Variants in PTPRO observed in about 807,000 individuals in gnomAD.
PTPRO encodes protein tyrosine phosphatase receptor type O.
Under a neutral mutation model 145.2 loss-of-function variants are expected in PTPRO, and 62 were observed. That is an observed-to-expected ratio of 0.43 (90% CI 0.35 to 0.53). PTPRO has a LOEUF of 0.53. Among genes scored for constraint, PTPRO ranks in the 20% least tolerant of loss-of-function variants. The pLI is 0.01. For synonymous variants in PTPRO, 565 were observed against 514.7 expected, an observed-to-expected ratio of 1.10 and a Z score of -1.32; for missense variants, 1,345 against 1,482.7, an observed-to-expected ratio of 0.91 and a Z score of 1.53.
intron 1 of PTPRO, among the ~76,000 whole-genome samples, chr12:15,432,188 G>T (rs1392236626): frequency 6.6e-6 from 1 of 152,078 alleles, no homozygotes; most frequent in Non-Finnish European, 1.5e-5. Flanking sequence ...AGTGTCCATT[G>T]TTCCCCTCTA....
At chr12:15,486,401 T>G (rs1281308072) in intron 2 of PTPRO, among the ~76,000 whole-genome samples, 1 of 152,204 alleles carries the variant, frequency 6.6e-6, no homozygotes, top group African/African-American at 2.4e-5. Flanking sequence ...TAATCCACCC[T>G]TTTGCTTTCA....
chr12:15,430,315 G>A (rs1940398643), intron 1 of PTPRO, among the ~76,000 whole-genome samples: 1 of 151,900 alleles, frequency 6.6e-6, no homozygotes, highest in East Asian at 1.9e-4. Context: ...GAGGAGGGTG[G>A]GTGAGAAGGT....
At chr12:15,459,317 T>A (rs1424911281) in intron 1 of PTPRO, among the ~76,000 whole-genome samples, 1 of 151,880 alleles carries the variant, frequency 6.6e-6, no homozygotes, top group Admixed American at 6.6e-5. Context: ...TAGCTCCAGG[T>A]GTCTGGAAAA....
At chr12:15,430,231 G>GA (rs1199867083) in intron 1 of PTPRO, among the ~76,000 whole-genome samples, 7 of 151,808 alleles carry the variant, frequency 4.6e-5, no homozygotes, top group Admixed American at 2.0e-4. Context: ...AGAGAGATGA[G>GA]AAAAAACAAG....
At chr12:15,456,719 A>T (rs1941186433) in intron 1 of PTPRO, among the ~76,000 whole-genome samples, 1 of 152,130 alleles carries the variant, frequency 6.6e-6, no homozygotes, top group South Asian at 2.1e-4. Flanking sequence ...AAATACAGCC[A>T]TGTCTTCTAG....
At chr12:15,540,067 C>T (rs1359730078) in intron 12 of PTPRO, among the ~76,000 whole-genome samples, 2 of 152,074 alleles carry the variant, frequency 1.3e-5, no homozygotes, top group African/African-American at 4.8e-5. Context: ...AAATATTTCT[C>T]TCCTTAATTT....
At chr12:15,359,442 T>G in intron 1 of PTPRO, among the ~76,000 whole-genome samples, 1 of 148,190 alleles carries the variant, frequency 6.7e-6, no homozygotes, top group African/African-American at 2.5e-5. Flanking sequence ...TTTTTTTTTT[T>G]GAGATGGAGT....
chr12:15,464,295 T>G (rs550532170), intron 1 of PTPRO, among the ~76,000 whole-genome samples: 1 of 152,328 alleles, frequency 6.6e-6, no homozygotes, highest in Admixed American at 6.5e-5. Flanking sequence ...CATGTGGATC[T>G]AACACACAGC....
At chr12:15,495,756 T>G (rs1023572615) in intron 2 of PTPRO, among the ~76,000 whole-genome samples, 1 of 152,130 alleles carries the variant, frequency 6.6e-6, no homozygotes, top group Non-Finnish European at 1.5e-5. Context: ...TACAAAAAAA[T>G]TATTCATATA....
intron 1 of PTPRO, among the ~76,000 whole-genome samples, chr12:15,352,725 A>G (rs570334481): frequency 6.6e-6 from 1 of 152,166 alleles, no homozygotes; most frequent in East Asian, 1.9e-4. Context: ...CCATTGTGAA[A>G]TTTGGATTTC....
At chr12:15,466,972 C>T (rs253814) in intron 1 of PTPRO, among the ~76,000 whole-genome samples, 3,184 of 152,242 alleles carry the variant, frequency 0.021, 122 homozygotes, top group East Asian at 0.14. Flanking sequence ...GATTAACGCT[C>T]ATATCCACCA....
At chr12:15,483,849 G>A (rs1158630190) in intron 1 of PTPRO, 125 bp from the exon 2 acceptor site, 1 of 1,010,890 alleles carries the variant, frequency 9.9e-7, no homozygotes, top group African/African-American at 1.6e-5. Flanking sequence ...TAAGAAATAA[G>A]GCTTACCATA....
chr12:15,587,142 A>G, intron 24 of PTPRO, 91 bp downstream of exon 24: 1 of 1,408,228 alleles, frequency 7.1e-7, no homozygotes, highest in South Asian at 1.2e-5. Flanking sequence ...TATCAGGTTT[A>G]GTTGAAAATT....
chr12:15,526,834 T>C (rs1942849467), intron 12 of PTPRO, among the ~76,000 whole-genome samples: 1 of 151,918 alleles, frequency 6.6e-6, no homozygotes, highest in South Asian at 2.1e-4. Context: ...TTGGGGTTTA[T>C]AAGAAATAAA....
Position 15,502,070 on chromosome 12 carries a change from C to G in PTPRO, c.1105+7C>G. 3.1e-6 allele frequency: 5 copies of G among 1,601,730 alleles called. No homozygotes were observed. Among genetic ancestry groups the G allele is most frequent in the Non-Finnish European group, 4.3e-6 (5 of 1,168,910 alleles). On this transcript the variant is annotated splice_region_variant and intron_variant, in intron 5 of 26. Coordinates refer to ENST00000281171, the MANE Select transcript of PTPRO (RefSeq NM_030667.3). ...ATCCATATTGAACGAGAAGGTAAAG[C>G]AGTAGGAAATCAGAGGAAATAAGAA...
intron 1 of PTPRO, among the ~76,000 whole-genome samples, chr12:15,345,608 G>T (rs887765979): frequency 6.6e-6 from 1 of 152,046 alleles, no homozygotes; most frequent in East Asian, 1.9e-4. Context: ...GGGCCTGTCG[G>T]GGGGTGGGGG....
chr12:15,393,441 C>T (rs1053241219), intron 1 of PTPRO, among the ~76,000 whole-genome samples: 1 of 152,142 alleles, frequency 6.6e-6, no homozygotes, highest in African/African-American at 2.4e-5. Context: ...GATCATTGCT[C>T]TTCCTGCTCA....
chr12:15,502,001 C>G lies in PTPRO; in HGVS notation c.1043C>G (p.Thr348Ser). The change falls in exon 5 of 27, where the codon ACC becomes AGC. Residue 348 changes from threonine (T) to serine (S), a missense_variant. Physicochemically the swap from Thr to Ser is moderately conservative, Grantham distance 58. Transcript: ENST00000281171. The part of the protein sequence containing the change: ...FSFFPVQMIL[T>S]WLPPKPPTAF... ...TTTTTCCCTGTGCAAATGATATTGA[C>G]CTGGTTACCACCCAAACCACCCACT... 1 of 1,613,926 alleles carries G rather than the reference C, an allele frequency of 6.2e-7. No individual in the cohort carries two copies. Among genetic ancestry groups the G allele is most frequent in the African/African-American group, 1.3e-5 (1 of 75,022 alleles).
At chr12:15,433,387 G>A (rs1215955596) in intron 1 of PTPRO, among the ~76,000 whole-genome samples, 1 of 152,096 alleles carries the variant, frequency 6.6e-6, no homozygotes, top group Non-Finnish European at 1.5e-5. Context: ...GTTTCACCGT[G>A]TTAGCCAGGA....
Sources: gnomAD v4.1 joint callset for allele counts (sites outside exome capture counted in the v4.1 genomes callset) on GRCh38, gnomAD v4.1.1 for gene constraint, MANE v1.5 for transcripts, NCBI Gene and HGNC (gene_info 2026-07-23, HGNC 2026-07-21) for gene names.